Variants in PIEZO2 observed in about 807,000 individuals in gnomAD.
The protein encoded by PIEZO2 is piezo-type mechanosensitive ion channel component 2.
PIEZO2 carries 172 observed loss-of-function variants against 337.3 expected under a neutral mutation model. The observed-to-expected ratio is 0.51, with a 90% CI of 0.45 to 0.58. The LOEUF (loss-of-function observed/expected upper bound fraction) is 0.58. Ranked by LOEUF, PIEZO2 falls within the 20% of genes least tolerant of loss-of-function variation. The pLI, the probability that PIEZO2 is intolerant of heterozygous loss-of-function variation, is 0.00. For synonymous variants in PIEZO2, 1,251 were observed against 1,228.5 expected, an observed-to-expected ratio of 1.02 and a Z score of -0.38; for missense variants, 3,028 against 3,391.3, an observed-to-expected ratio of 0.89 and a Z score of 2.66.
At position 10,813,124 on chromosome 18, in the gene PIEZO2, C is replaced by T. The variant is rs1197070894; in HGVS notation, c.918-5850G>A. Reference sequence around the variant, plus strand: ...CCTCCGGAGTATCTAGGATTACAGGCACGCGCCACCACGCTCAGCTAAGTT... The same window carrying T: ...CCTCCGGAGTATCTAGGATTACAGGTACGCGCCACCACGCTCAGCTAAGTT... On this transcript the variant is annotated intron_variant, in intron 7 of 55. Coordinates refer to ENST00000674853, the MANE Select transcript of PIEZO2 (RefSeq NM_001378183.1). The surrounding 1 kb of genome is among the most constrained non-coding windows in gnomAD (Gnocchi z 4.2). Among the ~76,000 whole-genome samples the T allele has an allele frequency of 6.6e-6, 1 of 151,960 alleles. No homozygotes were observed. The highest frequency in any genetic ancestry group is 1.9e-4 in the East Asian group (1 of 5,158).
Position 11,129,218 on chromosome 18 carries a change from GGCAGCACC to G in PIEZO2, c.64+19299_64+19306del. Among the ~76,000 whole-genome samples the G allele has an allele frequency of 1.3e-5, 2 of 152,012 alleles. No homozygotes were observed. Among genetic ancestry groups the G allele is most frequent in the South Asian group, 2.1e-4 (1 of 4,816 alleles). Reference sequence around the variant, plus strand: ...ATGCCTTGTGAAACAGATTTGTGAGGGCAGCACCTGCATCTTTGGAACCACAGTCACTC... The same window carrying G: ...ATGCCTTGTGAAACAGATTTGTGAGGTGCATCTTTGGAACCACAGTCACTC... On this transcript the variant is annotated intron_variant, in intron 1 of 55. Coordinates refer to ENST00000674853, the MANE Select transcript of PIEZO2 (RefSeq NM_001378183.1). This position sits in a 1 kb window ranked among gnomAD's most constrained non-coding sequence, Gnocchi z 4.6.
intron 41 of PIEZO2, among the ~76,000 whole-genome samples, chr18:10,705,124 A>C (rs906602114): frequency 5.9e-5 from 9 of 152,338 alleles, no homozygotes; most frequent in Admixed American, 2.6e-4. Flanking sequence ...TGTCAACACA[A>C]GGCTCTGGGT....
chr18:11,078,516 T>C lies in PIEZO2; in HGVS notation c.65-12294A>G, dbSNP rs1213011102. Among the ~76,000 whole-genome samples the C allele has an allele frequency of 6.6e-6, 1 of 152,242 alleles. No individual in the cohort carries two copies. The highest frequency in any genetic ancestry group is 1.5e-5 in the Non-Finnish European group (1 of 68,044). On this transcript the variant is annotated intron_variant, in intron 1 of 55. Coordinates refer to ENST00000674853, the MANE Select transcript of PIEZO2 (RefSeq NM_001378183.1). The surrounding 1 kb of genome is among the most constrained non-coding windows in gnomAD (Gnocchi z 5.3). ...ACTGTTTTATCTTGATGAATTTACT[T>C]TGACATTGTCTGCTTCTTCCTGGGA...
rs561977265 is a variant in PIEZO2 at position 11,070,552 on chromosome 18, G to A, written c.65-4330C>T. Reference sequence around the variant, plus strand: ...CAGCAGAAAAATTCGAGACGGATATGAGAAAAACCAGGAAAGCCTAGCTTC... The same window carrying A: ...CAGCAGAAAAATTCGAGACGGATATAAGAAAAACCAGGAAAGCCTAGCTTC... On this transcript the variant is annotated intron_variant, in intron 1 of 55. Transcript: ENST00000674853. This position sits in a 1 kb window ranked among gnomAD's most constrained non-coding sequence, Gnocchi z 4.3. 6.6e-6 allele frequency among the ~76,000 whole-genome samples: 1 copy of A among 152,306 alleles called. No individual in the cohort carries two copies. Among genetic ancestry groups the A allele is most frequent in the East Asian group, 1.9e-4 (1 of 5,186 alleles).
chr18:10,879,476 A>G (rs2042356542), intron 4 of PIEZO2, among the ~76,000 whole-genome samples: 1 of 148,238 alleles, frequency 6.7e-6, no homozygotes, highest in Non-Finnish European at 1.5e-5. Flanking sequence ...GCTCACTGCA[A>G]GCTCCGCCTC....
chr18:11,090,912 T>TA (rs61020782), intron 1 of PIEZO2, among the ~76,000 whole-genome samples: 103 of 123,656 alleles, frequency 8.3e-4, no homozygotes, highest in African/African-American at 1.4e-3. Context: ...AGACTCCGTC[T>TA]AAAAAAAAAA....
intron 7 of PIEZO2, among the ~76,000 whole-genome samples, chr18:10,831,984 A>G (rs557824169): frequency 2.3e-4 from 35 of 152,264 alleles, no homozygotes; most frequent in African/African-American, 8.2e-4. Flanking sequence ...TCCCAAAACA[A>G]TGCTGAATAG....
chr18:11,059,168 T>C (rs527496260), intron 2 of PIEZO2, among the ~76,000 whole-genome samples: 46 of 152,116 alleles, frequency 3.0e-4, no homozygotes, highest in African/African-American at 1.1e-3. Context: ...GCTTCATAAG[T>C]GAAGGAGAAA....
rs1354121939 is a variant in PIEZO2 at position 10,952,963 on chromosome 18, C to T, written c.286+26572G>A. Reference sequence around the variant, plus strand: ...CTAAGAAGTATATAGTAGTCATCTCCGGTTTTTAACTTGCACTTACCTAAT... The same window carrying T: ...CTAAGAAGTATATAGTAGTCATCTCTGGTTTTTAACTTGCACTTACCTAAT... On this transcript the variant is annotated intron_variant, in intron 3 of 55. Coordinates refer to ENST00000674853, the MANE Select transcript of PIEZO2 (RefSeq NM_001378183.1). The surrounding 1 kb of genome is among the most constrained non-coding windows in gnomAD (Gnocchi z 4.1). 1.3e-5 allele frequency among the ~76,000 whole-genome samples: 2 copies of T among 150,934 alleles called. No homozygotes were observed. The highest frequency in any genetic ancestry group is 2.1e-4 in the South Asian group (1 of 4,724).
At chr18:11,086,088 T>G (rs898414880) in intron 1 of PIEZO2, among the ~76,000 whole-genome samples, 4 of 152,228 alleles carry the variant, frequency 2.6e-5, no homozygotes, top group Non-Finnish European at 4.4e-5. Context: ...ATATTTATAA[T>G]GGCATACAAA....
intron 2 of PIEZO2, among the ~76,000 whole-genome samples, chr18:11,063,527 G>T (rs989445524): frequency 2.0e-5 from 3 of 152,102 alleles, no homozygotes; most frequent in African/African-American, 7.2e-5. Flanking sequence ...TACCTCTATG[G>T]ATATACACAT....
intron 2 of PIEZO2, among the ~76,000 whole-genome samples, chr18:11,022,688 C>G (rs1345269878): frequency 6.6e-6 from 1 of 152,170 alleles, no homozygotes; most frequent in African/African-American, 2.4e-5. Context: ...GGGATGTCAA[C>G]ATATGAATTT....
chr18:10,888,442 G>T lies in PIEZO2; in HGVS notation c.330-17027C>A, dbSNP rs2042668217. ...CTACTCTCTGGGCTCCATTCCTTCAGAAAGCCCTATTTTCTTTTTGTGCAC... is the reference window on the plus strand; with the variant it reads ...CTACTCTCTGGGCTCCATTCCTTCATAAAGCCCTATTTTCTTTTTGTGCAC... On this transcript the variant is annotated intron_variant, in intron 4 of 55. Transcript: ENST00000674853. The surrounding 1 kb of genome is among the most constrained non-coding windows in gnomAD (Gnocchi z 4.1). 1.3e-5 allele frequency among the ~76,000 whole-genome samples: 2 copies of T among 152,102 alleles called. No homozygotes were observed. The highest frequency in any genetic ancestry group is 4.8e-5 in the African/African-American group (2 of 41,410).
chr18:10,922,042 G>C (rs1158472914), intron 3 of PIEZO2, among the ~76,000 whole-genome samples: 1 of 152,156 alleles, frequency 6.6e-6, no homozygotes, highest in Admixed American at 6.5e-5. Flanking sequence ...ATTTTGCCCC[G>C]GTCCTGTGGT....
chr18:10,920,573 G>A (rs1230858772), intron 3 of PIEZO2, among the ~76,000 whole-genome samples: 1 of 152,130 alleles, frequency 6.6e-6, no homozygotes, highest in Non-Finnish European at 1.5e-5. Flanking sequence ...TGGAAATATA[G>A]TCAACATGCT....
Position 10,910,142 on chromosome 18 carries a change from C to A in PIEZO2, c.329+1044G>T, listed in dbSNP as rs1452712861. Among the ~76,000 whole-genome samples the A allele has an allele frequency of 5.9e-5, 9 of 152,168 alleles. No homozygotes were observed. In the East Asian group the frequency reaches 1.7e-3, roughly 29 times the overall value. On this transcript the variant is annotated intron_variant, in intron 4 of 55. Coordinates refer to ENST00000674853, the MANE Select transcript of PIEZO2 (RefSeq NM_001378183.1). ...ATATGGTAAAAAGAACTAGTCAAAA[C>A]CTACTGTGACAGTAAAATGAAATTA...
intron 3 of PIEZO2, among the ~76,000 whole-genome samples, chr18:10,972,095 T>G (rs770823645): frequency 6.8e-6 from 1 of 146,518 alleles, no homozygotes; most frequent in Non-Finnish European, 1.5e-5. Flanking sequence ...GAGTTTGAGA[T>G]CAGCCTGGCC....
chr18:10,709,963 T>A (rs1243046363), intron 39 of PIEZO2, among the ~76,000 whole-genome samples: 1 of 152,270 alleles, frequency 6.6e-6, no homozygotes, highest in Non-Finnish European at 1.5e-5. Context: ...AGAAAAGCAT[T>A]GGACGAACAC....
At chr18:10,687,549 A>T (rs530175704) in intron 49 of PIEZO2, among the ~76,000 whole-genome samples, 6 of 152,258 alleles carry the variant, frequency 3.9e-5, no homozygotes, top group South Asian at 4.1e-4. Flanking sequence ...AATTCATCTC[A>T]ATCCTGTAGG....
Sources: allele counts gnomAD v4.1 joint callset (sites outside exome capture counted in the v4.1 genomes callset), GRCh38; gene constraint gnomAD v4.1.1; non-coding constraint Gnocchi (gnomAD v3.1); transcripts MANE v1.5; gene names NCBI Gene and HGNC (gene_info 2026-07-23, HGNC 2026-07-21).